Variants in TEX101 observed in about 807,000 individuals in gnomAD.
TEX101 encodes testis-expressed protein 101.
In TEX101, 10 loss-of-function variants were observed where a neutral mutation model predicts 18.1. The ratio of observed to expected loss-of-function variants is 0.55; its 90% CI spans 0.34 to 0.94. TEX101 has a LOEUF of 0.94. Among genes scored for constraint, TEX101 ranks in the 40% least tolerant of loss-of-function variants. The pLI, the probability that TEX101 is intolerant of heterozygous loss-of-function variation, is 0.02. For missense variants in TEX101, 259 were observed against 298.9 expected (o/e 0.87, Z 0.98); for synonymous variants, 94 against 114.8 (o/e 0.82, Z 1.16).
At chr19:43,414,173 G>A (rs1007493907), upstream of TEX101, among the ~76,000 whole-genome samples, 7 of 151,700 alleles carry the variant, frequency 4.6e-5, no homozygotes, top group Non-Finnish European at 8.8e-5. Context: ...GGGAAGGGAA[G>A]GTTACATAGA....
chr19:43,407,483 C>CAA (rs35258259), intron 3 of TEX101, among the ~76,000 whole-genome samples: 27 of 130,844 alleles, frequency 2.1e-4, no homozygotes, highest in Middle Eastern at 3.7e-3. Flanking sequence ...GAAACTTCGT[C>CAA]AAAAAAAAAA....
chr19:43,412,209 G>A (rs1387944611), upstream of TEX101, among the ~76,000 whole-genome samples: 1 of 152,152 alleles, frequency 6.6e-6, no homozygotes, highest in East Asian at 1.9e-4. Context: ...ATCTCCTTCT[G>A]GGGAGGCCTC....
At chr19:43,417,525 T>G (rs1274485040) in intron 4 of TEX101, among the ~76,000 whole-genome samples, 2 of 152,216 alleles carry the variant, frequency 1.3e-5, no homozygotes, top group African/African-American at 2.4e-5. Context: ...TTTGAAAATA[T>G]TTGCCAAATT....
chr19:43,389,997 G>A, the TEX101 span, among the ~76,000 whole-genome samples: 8 of 152,018 alleles, frequency 5.3e-5, no homozygotes, highest in East Asian at 1.9e-4. Flanking sequence ...GGCCTCCTCC[G>A]GCCATGGCCC....
chr19:43,409,613 TAA>T (rs112990161), intron 3 of TEX101, among the ~76,000 whole-genome samples: 7 of 132,540 alleles, frequency 5.3e-5, no homozygotes, highest in South Asian at 2.4e-4. Flanking sequence ...GAAGTACTAG[TAA>T]AAAAAAAAAA....
chr19:43,415,079 A>T, intron 1 of TEX101, 41 bp downstream of exon 1: 2 of 985,028 alleles, frequency 2.0e-6, no homozygotes, highest in Non-Finnish European at 2.4e-6. Context: ...CTCTGAGGGG[A>T]ACGAGGGTTG....
upstream of TEX101, among the ~76,000 whole-genome samples, chr19:43,410,049 T>A (rs1354793869): frequency 6.6e-6 from 1 of 151,822 alleles, no homozygotes; most frequent in Non-Finnish European, 1.5e-5. Context: ...AAAAAAAAAA[T>A]AAGTAAAACT....
At chr19:43,396,040 G>C in the TEX101 span, among the ~76,000 whole-genome samples, 4 of 152,228 alleles carry the variant, frequency 2.6e-5, no homozygotes, top group Admixed American at 2.6e-4. Context: ...CTTCCACCTT[G>C]TGTAAACTCC....
chr19:43,399,566 T>C (rs1970301659), upstream of TEX101, among the ~76,000 whole-genome samples: 1 of 152,180 alleles, frequency 6.6e-6, no homozygotes, highest in African/African-American at 2.4e-5. Flanking sequence ...CCTTGAAGTG[T>C]TGTCTGTTTA....
chr19:43,394,948 C>G, the TEX101 span, among the ~76,000 whole-genome samples: 2 of 152,264 alleles, frequency 1.3e-5, no homozygotes, highest in South Asian at 2.1e-4. Context: ...GTGAATTTTA[C>G]TAACAAAAGA....
At position 43,418,196 on chromosome 19, in the gene TEX101, A is replaced by C; in HGVS notation, c.549A>C (p.Lys183Asn). The change falls in exon 6 of 6, where the codon AAA (lysine) becomes AAC (asparagine). Residue 183 changes from lysine to asparagine, a missense_variant. Coordinates refer to ENST00000598265, the MANE Select transcript of TEX101 (RefSeq NM_001130011.3). ...GGGIESSVEV[K>N]GCTAMIGCRL... is the part of the protein sequence containing the mutation. ...GCATTGAGTCGTCTGTGGAGGTCAA[A>C]GGCTGTACAGCCATGATTGGCTGCA... is the stretch of plus-strand genomic sequence containing the variant. 1 of 1,614,182 alleles carries C rather than the reference A, an allele frequency of 6.2e-7. No individual in the cohort carries two copies.
At chr19:43,415,850 G>T (rs1307441804) in intron 1 of TEX101, 31 bp from the exon 2 acceptor site, 2 of 1,600,892 alleles carry the variant, frequency 1.2e-6, no homozygotes, top group South Asian at 1.1e-5. Context: ...TGGCTGAAAA[G>T]TTAATTGCCT....
upstream of TEX101, among the ~76,000 whole-genome samples, chr19:43,412,187 C>T (rs919679714): frequency 4.6e-5 from 7 of 152,134 alleles, no homozygotes; most frequent in Admixed American, 2.0e-4. Flanking sequence ...GTACAGGAAG[C>T]GTGGTGCCAG....
upstream of TEX101, among the ~76,000 whole-genome samples, chr19:43,398,925 A>C (rs1970297415): frequency 6.6e-6 from 1 of 152,162 alleles, no homozygotes; most frequent in South Asian, 2.1e-4. Context: ...AAACTCACCA[A>C]ATCCCTTTAG....
upstream of TEX101, among the ~76,000 whole-genome samples, chr19:43,413,572 G>C (rs369471897): frequency 1.3e-5 from 2 of 151,690 alleles, no homozygotes; most frequent in African/African-American, 4.8e-5. Flanking sequence ...TGAGGCTCCC[G>C]GCCAAATAAA....
chr19:43,408,311 T>TCGGG (rs1444244453), intron 3 of TEX101, among the ~76,000 whole-genome samples: 8 of 131,558 alleles, frequency 6.1e-5, no homozygotes, highest in Admixed American at 1.5e-4. Flanking sequence ...AGGGGCTAGA[T>TCGGG]CGGGGTTCGG....
intron 2 of TEX101, chr19:43,406,101 A>T (rs913429263): frequency 5.9e-6 from 1 of 170,310 alleles, no homozygotes; most frequent in Non-Finnish European, 1.2e-5. Flanking sequence ...AAAAAAAAAA[A>T]GCCAGATGCC....
At chr19:43,407,254 C>T (rs138083022) in intron 3 of TEX101, among the ~76,000 whole-genome samples, 4 of 152,194 alleles carry the variant, frequency 2.6e-5, no homozygotes, top group South Asian at 2.1e-4. Context: ...TAGGCCAAGG[C>T]GGGCGAATCA....
chr19:43,415,190 G>A (rs1970460039), intron 1 of TEX101, among the ~76,000 whole-genome samples, 152 bp downstream of exon 1: 1 of 151,732 alleles, frequency 6.6e-6, no homozygotes, highest in African/African-American at 2.4e-5. Context: ...ACATAGGACG[G>A]GGCTGGGCTC....
Sources: gnomAD v4.1 joint callset for allele counts (sites outside exome capture counted in the v4.1 genomes callset) on GRCh38, gnomAD v4.1.1 for gene constraint, MANE v1.5 for transcripts, NCBI Gene and HGNC (gene_info 2026-07-23, HGNC 2026-07-21) for gene names.